The following BPIFB6 variants were observed in gnomAD, a reference collection of about 807,000 sequenced individuals.
The protein encoded by BPIFB6 is BPI fold-containing family B member 6.
In BPIFB6, 47 loss-of-function variants were observed where a neutral mutation model predicts 54.7. The ratio of observed to expected loss-of-function variants is 0.86; its 90% CI spans 0.68 to 1.10. BPIFB6 has a LOEUF of 1.10. Among genes scored for constraint, BPIFB6 ranks in the 50% least tolerant of loss-of-function variants. The pLI is 0.00. For synonymous variants in BPIFB6, 255 were observed against 225.9 expected (o/e 1.13, Z -1.16); for missense variants, 603 against 564.1 (o/e 1.07, Z -0.70).
In BPIFB6 at chr20:33,043,405, ACT is replaced by A. The variant is rs747572000; in HGVS notation, c.1329+39_1329+40del. On this transcript the variant is annotated intron_variant, in intron 14 of 14. Transcript: ENST00000349552. ...GCTAGGGGAGGTCATGTCAATCAAC[ACT>A]GTCAGCCAGTGAGTGATGAGCAAGA... 3.2e-6 allele frequency: 5 copies of A among 1,575,748 alleles called. No individual in the cohort carries two copies. The African/African-American group carries it at 5.4e-5, about 17-fold the overall frequency.
At chr20:33,034,086 G>A (rs1036399429) in intron 2 of BPIFB6, 100 bp from the exon 3 acceptor site, 19 of 822,322 alleles carry the variant, frequency 2.3e-5, no homozygotes, top group Admixed American at 5.1e-5. Flanking sequence ...ATAGGAGGCC[G>A]GGGTTATCGA....
chr20:33,034,687 T>C (rs533603012), intron 3 of BPIFB6, 76 bp from the exon 4 acceptor site: 2 of 1,496,310 alleles, frequency 1.3e-6, no homozygotes, highest in Admixed American at 3.9e-5. Context: ...CTGCTCAGAT[T>C]GTGAGCAAAG....
At position 33,036,457 on chromosome 20, in the gene BPIFB6, T is replaced by C; in HGVS notation, c.590T>C (p.Val197Ala). The C allele has an allele frequency of 6.2e-7, 1 of 1,613,570 alleles. No homozygotes were observed. The highest frequency in any genetic ancestry group is 8.5e-7 in the Non-Finnish European group (1 of 1,179,716). The change falls in exon 7 of 15, where the codon GTG becomes GCG. Residue 197 changes from valine (V) to alanine (A), a missense_variant. Physicochemically the swap from Val to Ala is moderately conservative, Grantham distance 64. Coordinates refer to ENST00000349552, the MANE Select transcript of BPIFB6 (RefSeq NM_174897.2). The part of the protein sequence containing the change: ...KWTNLSDPMP[V>A]GQMGTVKYVL... Reference sequence around the variant, plus strand: ...CCTTTTCACACAGACCCCATGCCTGTGGGCCAGATGGGCACCGTCAAATAT... The same window carrying C: ...CCTTTTCACACAGACCCCATGCCTGCGGGCCAGATGGGCACCGTCAAATAT...
At chr20:33,038,223 AT>A (rs1436093587) in intron 8 of BPIFB6, among the ~76,000 whole-genome samples, 4 of 151,870 alleles carry the variant, frequency 2.6e-5, no homozygotes, top group Non-Finnish European at 5.9e-5. Flanking sequence ...TCCTTTATCC[AT>A]CCTCCTACTC....
chr20:33,039,366 A>C lies in BPIFB6; in HGVS notation c.920A>C (p.Lys307Thr). 6.2e-7 allele frequency: 1 copy of C among 1,612,544 alleles called. No homozygotes were observed. The highest frequency in any genetic ancestry group is 8.5e-7 in the Non-Finnish European group (1 of 1,179,564). The change falls in exon 10 of 15, where the codon AAG becomes ACG. Residue 307 changes from lysine to threonine, a missense_variant. By Grantham distance (78) the Lys-to-Thr change is moderately conservative. Transcript: ENST00000349552. ...FIPEVAVAYP[K>T]SKPLTTQIKI... ...CTGTAGGTGGCTGTAGCTTATCCCA[A>C]GTCAAAGCCCTTGACGACCCAGATC...
intron 2 of BPIFB6, among the ~76,000 whole-genome samples, chr20:33,033,836 G>T (rs1419185128): frequency 6.6e-6 from 1 of 152,104 alleles, no homozygotes; most frequent in Non-Finnish European, 1.5e-5. Context: ...GAATTATCCT[G>T]CCCAAAATGT....
intron 5 of BPIFB6, 67 bp from the exon 6 acceptor site, chr20:33,035,545 A>G (rs1979300448): frequency 1.3e-6 from 2 of 1,526,832 alleles, no homozygotes; most frequent in Non-Finnish European, 1.8e-6. Flanking sequence ...CCCGTGGTGT[A>G]CCATTCAGCT....
chr20:33,042,973 C>A, intron 13 of BPIFB6, 95 bp downstream of exon 13: 1 of 1,132,664 alleles, frequency 8.8e-7, no homozygotes, highest in Non-Finnish European at 1.3e-6. Context: ...TATCACTGGG[C>A]CCAGATGGGG....
At chr20:33,043,411 A>G (rs1337441422) in intron 14 of BPIFB6, 44 bp downstream of exon 14, 1 of 1,558,488 alleles carries the variant, frequency 6.4e-7, no homozygotes, top group Non-Finnish European at 8.9e-7. Context: ...CAACACTGTC[A>G]GCCAGTGAGT....
intron 8 of BPIFB6, among the ~76,000 whole-genome samples, chr20:33,038,003 T>C (rs1039099196): frequency 3.3e-5 from 5 of 152,186 alleles, no homozygotes; most frequent in Admixed American, 6.5e-5. Context: ...TGGTCATCCA[T>C]CCACCTTCCT....
Position 33,043,303 on chromosome 20 carries a change from T to A in BPIFB6, c.1265T>A (p.Val422Glu). 1 of 1,614,110 alleles carries A rather than the reference T, an allele frequency of 6.2e-7. No individual in the cohort carries two copies. Among genetic ancestry groups the A allele is most frequent in the Admixed American group, 1.7e-5 (1 of 60,020 alleles). ...CTGTATTTCTCAGATGTGCTTCAAG[T>A]GGGGCTCCCACTCCCGGACTTTCTG... ...YIPVVNDVLQVGLPLPDFLAM... is the reference protein window; with the variant it reads ...YIPVVNDVLQEGLPLPDFLAM... Residue 422 changes from valine to glutamate, a missense_variant, in exon 14 of 15, where the codon GTG becomes GAG. Val to Glu is a moderately radical substitution (Grantham distance 121). Coordinates refer to ENST00000349552, the MANE Select transcript of BPIFB6 (RefSeq NM_174897.2).
Position 33,038,919 on chromosome 20 carries a change from T to C in BPIFB6, c.857T>C (p.Leu286Pro). The change falls in exon 9 of 15, where the codon CTG (leucine) becomes CCG (proline). Residue 286 changes from leucine to proline, a missense_variant. Coordinates refer to ENST00000349552, the MANE Select transcript of BPIFB6 (RefSeq NM_174897.2). ...ACTTTTATTCTGTAGATTGGTGAGC[T>C]GCCCCCACAAACCACCAAGACCCTG... ...VNIQDTMIGE[L>P]PPQTTKTLAR... 6.2e-7 allele frequency: 1 copy of C among 1,614,056 alleles called. No individual in the cohort carries two copies. Among genetic ancestry groups the C allele is most frequent in the Non-Finnish European group, 8.5e-7 (1 of 1,180,010 alleles).
intron 6 of BPIFB6, among the ~76,000 whole-genome samples, 156 bp downstream of exon 6, chr20:33,035,828 G>A (rs1318849087): frequency 1.3e-5 from 2 of 152,150 alleles, no homozygotes; most frequent in East Asian, 1.9e-4. Flanking sequence ...CTGTCCCGAT[G>A]GGAGGCCTGA....
intron 10 of BPIFB6, among the ~76,000 whole-genome samples, chr20:33,039,745 C>T (rs1281376492): frequency 1.3e-5 from 2 of 152,236 alleles, no homozygotes; most frequent in Non-Finnish European, 2.9e-5. Flanking sequence ...CTCCAACATT[C>T]TTCAGCAACT....
In BPIFB6 at chr20:33,034,725, CAGAGA is replaced by C. The variant is rs756524698; in HGVS notation, c.303-37_303-33del. 1.9e-6 allele frequency: 3 copies of C among 1,567,742 alleles called. No individual in the cohort carries two copies. The African/African-American group carries it at 4.1e-5, about 21-fold the overall frequency. ...AAGGCAGGGAGAGCGGACACCATGG[CAGAGA>C]TGCCCATGGTGCCCTCCTGCTCTGT... On this transcript the variant is annotated intron_variant, in intron 3 of 14. Transcript: ENST00000349552.
intron 1 of BPIFB6, among the ~76,000 whole-genome samples, chr20:33,032,489 T>C (rs905366829): frequency 6.6e-6 from 1 of 151,792 alleles, no homozygotes; most frequent in Admixed American, 6.6e-5. Flanking sequence ...GAGTGGCTGG[T>C]CCACAGGATA....
intron 11 of BPIFB6, among the ~76,000 whole-genome samples, chr20:33,041,234 C>A (rs1362062782): frequency 1.3e-5 from 2 of 152,132 alleles, no homozygotes; most frequent in African/African-American, 4.8e-5. Context: ...CATGATCCAC[C>A]CGCCTCGGCC....
At chr20:33,037,873 TTCTC>T (rs953765080) in intron 8 of BPIFB6, 135 bp downstream of exon 8, 2 of 939,492 alleles carry the variant, frequency 2.1e-6, no homozygotes, top group African/African-American at 1.7e-5. Flanking sequence ...CGATTTGAGT[TTCTC>T]TCAGCAGTTC....
chr20:33,038,949 G>A lies in BPIFB6; in HGVS notation c.887G>A (p.Arg296His), dbSNP rs79809934. The A allele has an allele frequency of 5.6e-6, 9 of 1,613,970 alleles. No homozygotes were observed. The highest frequency in any genetic ancestry group is 4.0e-5 in the African/African-American group (3 of 74,986). Reference protein sequence around the residue: ...LPPQTTKTLARFIPEVAVAYP... With the variant: ...LPPQTTKTLAHFIPEVAVAYP... ...CCACAAACCACCAAGACCCTGGCTC[G>A]CTTCATTCCTGAAGTGAGTGCCCCA... The change falls in exon 9 of 15, where the codon CGC becomes CAC. Residue 296 changes from arginine to histidine, a missense_variant. Physicochemically the swap from Arg to His is conservative, Grantham distance 29. Coordinates refer to ENST00000349552, the MANE Select transcript of BPIFB6 (RefSeq NM_174897.2).
Sources: gnomAD v4.1 joint callset for allele counts (sites outside exome capture counted in the v4.1 genomes callset) on GRCh38, gnomAD v4.1.1 for gene constraint, MANE v1.5 for transcripts, NCBI Gene and HGNC (gene_info 2026-07-23, HGNC 2026-07-21) for gene names.